CSMD3: variants seen among roughly 807,000 people sequenced by gnomAD.
The protein encoded by CSMD3 is CUB and sushi domain-containing protein 3.
In CSMD3, 177 loss-of-function variants were observed where a neutral mutation model predicts 435.2. That is an observed-to-expected ratio of 0.41 (90% CI 0.36 to 0.46). The LOEUF (loss-of-function observed/expected upper bound fraction) is 0.46. Among genes scored for constraint, CSMD3 ranks in the 20% least tolerant of loss-of-function variants. CSMD3 has a pLI of 0.34. For missense variants in CSMD3, 4,265 were observed against 4,504.6 expected (o/e 0.95, Z 1.52); for synonymous variants, 1,656 against 1,520.5 (o/e 1.09, Z -2.07).
At chr8:113,162,383 T>A (rs2092059268) in intron 4 of CSMD3, among the ~76,000 whole-genome samples, 1 of 151,566 alleles carries the variant, frequency 6.6e-6, no homozygotes, top group Non-Finnish European at 1.5e-5. Context: ...CTGACCAACA[T>A]GGAGAAACCC....
At chr8:112,405,420 C>A (rs544927985) in intron 35 of CSMD3, among the ~76,000 whole-genome samples, 1 of 150,088 alleles carries the variant, frequency 6.7e-6, no homozygotes. Flanking sequence ...ATATGTTCTT[C>A]GGGCAGAAAA....
chr8:112,886,935 T>G (rs1347451829), intron 10 of CSMD3, among the ~76,000 whole-genome samples: 2 of 151,616 alleles, frequency 1.3e-5, no homozygotes, highest in Non-Finnish European at 3.0e-5. Context: ...CTGAAAATTT[T>G]TGATCCATGG....
At chr8:112,860,208 A>G (rs2080786861) in intron 10 of CSMD3, among the ~76,000 whole-genome samples, 1 of 151,672 alleles carries the variant, frequency 6.6e-6, no homozygotes, top group Non-Finnish European at 1.5e-5. Flanking sequence ...CATCACTAAA[A>G]GTGTGTCTTT....
chr8:113,318,928 T>C (rs2093930179), intron 1 of CSMD3, among the ~76,000 whole-genome samples: 1 of 151,892 alleles, frequency 6.6e-6, no homozygotes, highest in Non-Finnish European at 1.5e-5. Context: ...CACATTTCAT[T>C]TTCTTTATCA....
At chr8:112,814,147 C>G (rs2079306504) in intron 12 of CSMD3, among the ~76,000 whole-genome samples, 6 of 152,082 alleles carry the variant, frequency 3.9e-5, no homozygotes, top group Admixed American at 3.9e-4. Context: ...AGAATGGGGA[C>G]TTGGATCCTG....
At chr8:112,680,721 C>T (rs1586953992) in intron 16 of CSMD3, among the ~76,000 whole-genome samples, 1 of 151,946 alleles carries the variant, frequency 6.6e-6, no homozygotes, top group South Asian at 2.1e-4. Context: ...ATTGAAGGGG[C>T]CACTAGGAAA....
chr8:112,373,018 A>G (rs1563856720), intron 38 of CSMD3, among the ~76,000 whole-genome samples: 1 of 110,472 alleles, frequency 9.1e-6, no homozygotes, highest in African/African-American at 3.0e-5. Context: ...ATATATATAT[A>G]TATATTTTTT....
intron 5 of CSMD3, among the ~76,000 whole-genome samples, chr8:113,062,142 A>G (rs1462712396): frequency 2.6e-5 from 4 of 151,704 alleles, no homozygotes; most frequent in Non-Finnish European, 4.4e-5. Context: ...AATTCAGGCA[A>G]ATTTTTAGTA....
At chr8:112,428,135 A>G (rs576245508) in intron 32 of CSMD3, among the ~76,000 whole-genome samples, 2 of 152,238 alleles carry the variant, frequency 1.3e-5, no homozygotes, top group South Asian at 4.1e-4. Context: ...GGATTCATGT[A>G]TGCTTTTTAA....
At chr8:113,307,809 A>G (rs1452638753) in intron 2 of CSMD3, among the ~76,000 whole-genome samples, 1 of 152,180 alleles carries the variant, frequency 6.6e-6, no homozygotes, top group Non-Finnish European at 1.5e-5. Flanking sequence ...ACCACAATAA[A>G]TGCTGACAAC....
chr8:112,333,486 A>G (rs1429407389), intron 45 of CSMD3, among the ~76,000 whole-genome samples: 2 of 152,118 alleles, frequency 1.3e-5, no homozygotes, highest in African/African-American at 2.4e-5. Context: ...TTTATTCTTA[A>G]GCAATTCTAT....
chr8:113,354,065 C>G (rs1243037609), intron 1 of CSMD3, among the ~76,000 whole-genome samples: 2 of 152,084 alleles, frequency 1.3e-5, no homozygotes, highest in Non-Finnish European at 2.9e-5. Context: ...ATTCTTTGCA[C>G]TTAGGTGAAT....
intron 32 of CSMD3, among the ~76,000 whole-genome samples, chr8:112,458,595 C>T (rs1001220587): frequency 9.9e-5 from 15 of 151,952 alleles, no homozygotes; most frequent in Non-Finnish European, 1.6e-4. Flanking sequence ...TTATTTCCAC[C>T]AACATGAAGC....
intron 28 of CSMD3, among the ~76,000 whole-genome samples, chr8:112,508,669 C>G: frequency 6.6e-6 from 1 of 152,276 alleles, no homozygotes; most frequent in Non-Finnish European, 1.5e-5. Flanking sequence ...AAAAAAAAGC[C>G]TTTTCATCTA....
Position 112,865,363 on chromosome 8 carries a change from G to A in CSMD3, c.1634-6097C>T, listed in dbSNP as rs562152581. Among the ~76,000 whole-genome samples, 6 of 151,942 alleles carry A rather than the reference G, an allele frequency of 3.9e-5. No individual in the cohort carries two copies. The South Asian group carries it at 8.3e-4, about 21-fold the overall frequency. On this transcript the variant is annotated intron_variant, in intron 10 of 70. Transcript: ENST00000297405. ...TGAGATCTGTCTATTGTTGTCTCTC[G>A]GTCCACTGTGCCCTGAAGTACCTTT...
chr8:112,483,428 A>G (rs1819820931), intron 31 of CSMD3, among the ~76,000 whole-genome samples: 1 of 152,182 alleles, frequency 6.6e-6, no homozygotes, highest in South Asian at 2.1e-4. Flanking sequence ...GATTCCAGTG[A>G]GCCGAGCTTG....
At chr8:113,052,222 TAA>T (rs979117074) in intron 5 of CSMD3, among the ~76,000 whole-genome samples, 1 of 152,202 alleles carries the variant, frequency 6.6e-6, no homozygotes, top group Non-Finnish European at 1.5e-5. Context: ...TTTATTACAT[TAA>T]AATTCTGACC....
At position 113,092,799 on chromosome 8, in the gene CSMD3, A is replaced by G. The variant is rs905416897; in HGVS notation, c.917+5957T>C. Among the ~76,000 whole-genome samples, 11 of 152,058 alleles carry G rather than the reference A, an allele frequency of 7.2e-5. No homozygotes were observed. The South Asian group carries it at 1.4e-3, about 20-fold the overall frequency. Reference sequence around the variant, plus strand: ...TAGGTGGTGGTGGTGCGGTTCCCATAAATGCCTACCTCCAGAAACCTGCAT... The same window carrying G: ...TAGGTGGTGGTGGTGCGGTTCCCATGAATGCCTACCTCCAGAAACCTGCAT... On this transcript the variant is annotated intron_variant, in intron 5 of 70. Transcript: ENST00000297405.
intron 22 of CSMD3, among the ~76,000 whole-genome samples, chr8:112,606,513 A>T (rs1832805188): frequency 6.6e-6 from 1 of 152,174 alleles, no homozygotes; most frequent in South Asian, 2.1e-4. Flanking sequence ...CAACAAAGAA[A>T]CACTGTACTT....
Sources: gnomAD v4.1 joint callset for allele counts (sites outside exome capture counted in the v4.1 genomes callset) on GRCh38, gnomAD v4.1.1 for gene constraint, MANE v1.5 for transcripts, NCBI Gene and HGNC (gene_info 2026-07-23, HGNC 2026-07-21) for gene names.